WDR7: variants seen among roughly 807,000 people sequenced by gnomAD.
WDR7 encodes WD repeat domain 7, also known as WD repeat-containing protein 7.
WDR7 carries 46 observed loss-of-function variants against 169.4 expected under a neutral mutation model. That is an observed-to-expected ratio of 0.27 (90% CI 0.21 to 0.35). The LOEUF (loss-of-function observed/expected upper bound fraction) is 0.35. WDR7 is among the 10% of genes least tolerant of loss of function. The probability of loss-of-function intolerance (pLI) is 1.00; values close to 1 mark genes in which losing one functional copy is unlikely to be tolerated. For missense variants in WDR7, 1,534 were observed against 1,859.3 expected (o/e 0.83, Z 3.22); for synonymous variants, 612 against 666.8 (o/e 0.92, Z 1.27).
At chr18:56,811,267 T>A (rs533542820) in intron 19 of WDR7, among the ~76,000 whole-genome samples, 1 of 151,852 alleles carries the variant, frequency 6.6e-6, no homozygotes, top group Non-Finnish European at 1.5e-5. Context: ...TGTGGACATA[T>A]GTTTTCATTC....
intron 9 of WDR7, among the ~76,000 whole-genome samples, chr18:56,692,478 G>A (rs995633490): frequency 1.4e-5 from 2 of 143,446 alleles, no homozygotes; most frequent in African/African-American, 5.1e-5. Context: ...GGTTTCCATG[G>A]CTTTATCATT....
At chr18:56,937,659 A>T (rs73958712) in intron 23 of WDR7, among the ~76,000 whole-genome samples, 18,399 of 152,080 alleles carry the variant, frequency 0.12, 3,561 homozygotes, top group African/African-American at 0.41. Flanking sequence ...GCATGTTCAT[A>T]TGGATTTTCC....
Position 56,784,083 on chromosome 18 carries a change from T to C in WDR7, c.3190+2427T>C, listed in dbSNP as rs143664458. Among the ~76,000 whole-genome samples, 6 of 152,312 alleles carry C rather than the reference T, an allele frequency of 3.9e-5. No individual in the cohort carries two copies. In the East Asian group the frequency reaches 1.2e-3, roughly 29 times the overall value. On this transcript the variant is annotated intron_variant, in intron 19 of 27. Coordinates refer to ENST00000254442, the MANE Select transcript of WDR7 (RefSeq NM_015285.3). The stretch of plus-strand genomic sequence containing the variant: ...TTTCATTTAACCATTACAATAACCT[T>C]GTAAAGTACCCACTATTGCCATCAC...
chr18:56,962,688 C>A (rs2047354594), intron 26 of WDR7, among the ~76,000 whole-genome samples, 159 bp downstream of exon 26: 1 of 152,050 alleles, frequency 6.6e-6, no homozygotes, highest in South Asian at 2.1e-4. Flanking sequence ...AATATAGAGC[C>A]CTACTGTCTT....
At chr18:56,815,577 C>T (rs1350531207) in intron 19 of WDR7, among the ~76,000 whole-genome samples, 2 of 152,016 alleles carry the variant, frequency 1.3e-5, no homozygotes, top group Non-Finnish European at 2.9e-5. Flanking sequence ...GTTTCAGGTC[C>T]GTTACTTAGC....
chr18:56,700,454 A>C (rs531303479), intron 12 of WDR7, among the ~76,000 whole-genome samples: 3 of 150,296 alleles, frequency 2.0e-5, no homozygotes, highest in Non-Finnish European at 4.4e-5. Flanking sequence ...ACAGGGTTTC[A>C]CCATGTTGGC....
chr18:57,023,688 C>T (rs1033263265), intron 27 of WDR7, among the ~76,000 whole-genome samples: 1 of 152,112 alleles, frequency 6.6e-6, no homozygotes, highest in Non-Finnish European at 1.5e-5. Flanking sequence ...ATTTTCTAAC[C>T]CCGTTTTCTA....
intron 13 of WDR7, chr18:56,721,694 A>G (rs573558461): frequency 6.6e-6 from 1 of 152,354 alleles, no homozygotes; most frequent in East Asian, 1.9e-4. Flanking sequence ...CCATTCTCAC[A>G]GGCCTTTGAC....
intron 2 of WDR7, among the ~76,000 whole-genome samples, chr18:56,678,038 C>T (rs370258129): frequency 1.1e-4 from 16 of 152,130 alleles, no homozygotes; most frequent in South Asian, 8.3e-4. Context: ...TGATCATTTC[C>T]GCTATTAAAA....
chr18:56,732,488 G>C lies in WDR7; in HGVS notation c.1989+891G>C, dbSNP rs552995165. On this transcript the variant is annotated intron_variant, in intron 14 of 27. Coordinates refer to ENST00000254442, the MANE Select transcript of WDR7 (RefSeq NM_015285.3). ...GAATAAATAGTAAAGGGGTTGAAAGGCTCATCTGCAGACTTGAAAATTAAC... is the reference window on the plus strand; with the variant it reads ...GAATAAATAGTAAAGGGGTTGAAAGCCTCATCTGCAGACTTGAAAATTAAC... Among the ~76,000 whole-genome samples the C allele has an allele frequency of 7.2e-4, 110 of 152,158 alleles. 1 individual carries two copies. Among genetic ancestry groups the C allele is most frequent in the African/African-American group, 2.5e-3 (103 of 41,502 alleles).
chr18:56,811,683 A>AT (rs150198807), intron 19 of WDR7, among the ~76,000 whole-genome samples: 7 of 151,674 alleles, frequency 4.6e-5, no homozygotes, highest in Non-Finnish European at 1.0e-4. Context: ...ATCAAGGTTC[A>AT]TTTTTTTTGC....
At chr18:56,857,262 A>T (rs899485927) in intron 20 of WDR7, among the ~76,000 whole-genome samples, 5 of 151,794 alleles carry the variant, frequency 3.3e-5, no homozygotes, top group African/African-American at 1.2e-4. Context: ...GCATAAAACC[A>T]TTTTTTTCTT....
chr18:56,953,063 T>C (rs1303415853), intron 25 of WDR7, among the ~76,000 whole-genome samples: 1 of 152,142 alleles, frequency 6.6e-6, no homozygotes, highest in Non-Finnish European at 1.5e-5. Context: ...TGAACGCTAA[T>C]GTGAATGATA....
At chr18:56,859,708 C>A (rs968190108) in intron 20 of WDR7, among the ~76,000 whole-genome samples, 1 of 152,048 alleles carries the variant, frequency 6.6e-6, no homozygotes, top group Non-Finnish European at 1.5e-5. Context: ...ATATAAAATA[C>A]ACAAATATAA....
At chr18:56,703,434 C>G (rs2025876144) in intron 12 of WDR7, among the ~76,000 whole-genome samples, 1 of 152,144 alleles carries the variant, frequency 6.6e-6, no homozygotes, top group Non-Finnish European at 1.5e-5. Flanking sequence ...ATTTAAAAAG[C>G]AATGTCTATA....
chr18:56,690,463 A>G (rs1005955175), intron 7 of WDR7, among the ~76,000 whole-genome samples: 3 of 152,190 alleles, frequency 2.0e-5, no homozygotes, highest in Non-Finnish European at 4.4e-5. Flanking sequence ...AATAATGTAG[A>G]GCAAAGTAAC....
intron 26 of WDR7, among the ~76,000 whole-genome samples, chr18:57,008,900 A>G (rs1229149552): frequency 1.3e-5 from 2 of 152,232 alleles, no homozygotes; most frequent in Admixed American, 1.3e-4. Context: ...ACATTTTCCT[A>G]AAACTATTTA....
intron 25 of WDR7, among the ~76,000 whole-genome samples, chr18:56,961,138 A>C (rs1404005797): frequency 6.6e-6 from 1 of 152,124 alleles, no homozygotes; most frequent in African/African-American, 2.4e-5. Context: ...GATTTATGAA[A>C]TATATATGAA....
At chr18:56,797,529 A>G (rs1270063253) in intron 19 of WDR7, among the ~76,000 whole-genome samples, 1 of 151,386 alleles carries the variant, frequency 6.6e-6, no homozygotes, top group Non-Finnish European at 1.5e-5. Context: ...TATATTTATG[A>G]TATAAATATA....
Sources: allele counts gnomAD v4.1 joint callset (sites outside exome capture counted in the v4.1 genomes callset), GRCh38; gene constraint gnomAD v4.1.1; transcripts MANE v1.5; gene names NCBI Gene and HGNC (gene_info 2026-07-23, HGNC 2026-07-21).